DENND1B: variants seen among roughly 807,000 people sequenced by gnomAD.
The protein encoded by DENND1B is DENN domain-containing protein 1B.
DENND1B carries 59 observed loss-of-function variants against 90.1 expected under a neutral mutation model. The observed-to-expected ratio is 0.65, with a 90% CI of 0.53 to 0.81. The LOEUF (loss-of-function observed/expected upper bound fraction) is 0.81, where lower values mean the gene tolerates loss of function less well. Among genes scored for constraint, DENND1B ranks in the 40% least tolerant of loss-of-function variants. DENND1B has a pLI of 0.00. For missense variants in DENND1B, 862 were observed against 912.6 expected, an observed-to-expected ratio of 0.94 and a Z score of 0.71; for synonymous variants, 337 against 324.6, an observed-to-expected ratio of 1.04 and a Z score of -0.41.
chr1:197,736,995 T>C lies in DENND1B; in HGVS notation c.83-21921A>G, dbSNP rs185928666. On this transcript the variant is annotated intron_variant, in intron 2 of 22. Transcript: ENST00000620048. ...AAGACATCAAAACTATTGCTATGTC[T>C]CTTGAAAATCACTGAAGACTGACTA... Among the ~76,000 whole-genome samples the C allele has an allele frequency of 1.2e-4, 19 of 152,304 alleles. No individual in the cohort carries two copies. The East Asian group carries it at 3.3e-3, about 26-fold the overall frequency.
At chr1:197,610,655 G>C (rs940291428) in intron 12 of DENND1B, among the ~76,000 whole-genome samples, 8 of 150,660 alleles carry the variant, frequency 5.3e-5, no homozygotes, top group African/African-American at 1.9e-4. Context: ...TCAAATTACT[G>C]ATACATTAAA....
At chr1:197,536,138 T>TGGAG (rs1558211727) in intron 20 of DENND1B, among the ~76,000 whole-genome samples, 1 of 88,878 alleles carries the variant, frequency 1.1e-5, no homozygotes, top group Non-Finnish European at 2.7e-5. Flanking sequence ...GAGAGAGAGA[T>TGGAG]TGAGAGAGAG....
chr1:197,595,143 T>C, intron 14 of DENND1B, 65 bp downstream of exon 14: 1 of 1,527,258 alleles, frequency 6.5e-7, no homozygotes, highest in Non-Finnish European at 8.8e-7. Context: ...TGTCTCTTTT[T>C]TTCTGTCTCA....
At chr1:197,641,964 CTAAA>C (rs1373668591) in intron 10 of DENND1B, among the ~76,000 whole-genome samples, 15 of 151,798 alleles carry the variant, frequency 9.9e-5, no homozygotes, top group South Asian at 4.2e-4. Flanking sequence ...ATAGTTTTTG[CTAAA>C]TAAATACATC....
chr1:197,511,590 TATC>T, intron 22 of DENND1B, 135 bp downstream of exon 22: 1 of 469,634 alleles, frequency 2.1e-6, no homozygotes. Flanking sequence ...GATTAAATTT[TATC>T]ATATTTTTGA....
chr1:197,521,037 C>G (rs951377708), intron 20 of DENND1B, among the ~76,000 whole-genome samples: 9 of 151,244 alleles, frequency 6.0e-5, no homozygotes, highest in African/African-American at 1.5e-4. Context: ...CAGGTGGACA[C>G]TAAGTGAAAA....
intron 3 of DENND1B, among the ~76,000 whole-genome samples, chr1:197,682,649 G>T (rs1320692685): frequency 6.6e-6 from 1 of 152,092 alleles, no homozygotes; most frequent in African/African-American, 2.4e-5. Context: ...CCCAAAGGAA[G>T]AAATCCTATG....
rs1667703389 is a variant in DENND1B at position 197,505,809 on chromosome 1, T to G, written c.*4651A>C. 6.6e-6 allele frequency: 1 copy of G among 151,674 alleles called. No homozygotes were observed. The highest frequency in any genetic ancestry group is 6.6e-5 in the Admixed American group (1 of 15,190). The allele number at this position is 151,674 out of a possible 1,614,324, so 9.4% of individuals were successfully genotyped here. ...ATACTACAATCCACATATGTAATCA[T>G]CAGCATACAAATGCCATTTTGATTT... On this transcript the variant is annotated 3_prime_UTR_variant, in exon 23 of 23. Coordinates refer to ENST00000620048, the MANE Select transcript of DENND1B (RefSeq NM_001195215.2).
intron 2 of DENND1B, among the ~76,000 whole-genome samples, chr1:197,723,602 G>A (rs1661380175): frequency 6.6e-6 from 1 of 151,996 alleles, no homozygotes; most frequent in South Asian, 2.1e-4. Flanking sequence ...TAAGAACACA[G>A]GGAAAAAAAG....
intron 12 of DENND1B, 48 bp downstream of exon 12, chr1:197,611,883 A>G (rs745437930): frequency 3.3e-6 from 5 of 1,535,750 alleles, no homozygotes; most frequent in Non-Finnish European, 4.5e-6. Flanking sequence ...TTTAACTATT[A>G]TTTTATGAGT....
At chr1:197,707,356 A>T (rs1170789533) in intron 3 of DENND1B, among the ~76,000 whole-genome samples, 1 of 151,978 alleles carries the variant, frequency 6.6e-6, no homozygotes, top group Non-Finnish European at 1.5e-5. Flanking sequence ...GTTCTATAAC[A>T]CTGTAGGGTG....
At chr1:197,602,979 TATG>T (rs1397012783) in intron 13 of DENND1B, among the ~76,000 whole-genome samples, 4 of 151,362 alleles carry the variant, frequency 2.6e-5, no homozygotes, top group Non-Finnish European at 5.9e-5. Context: ...CCATAATATG[TATG>T]ATATTTTAGA....
Position 197,510,830 on chromosome 1 carries a change from G to A in DENND1B, c.1958C>T (p.Ser653Phe), listed in dbSNP as rs373405187. 1 of 1,612,124 alleles carries A rather than the reference G, an allele frequency of 6.2e-7. No homozygotes were observed. ...LPPSPRKRVS[S>F]SGLTDSLFIL... ...AAACAGAGAATCTGTCAAACCACTA[G>A]AGGAAACCCGCTTCCTAGGAGATGG... The change falls in exon 23 of 23, where the codon TCT (serine) becomes TTT (phenylalanine). Residue 653 changes from serine (S) to phenylalanine (F), a missense_variant. By Grantham distance (155) the Ser-to-Phe change is radical. Coordinates refer to ENST00000620048, the MANE Select transcript of DENND1B (RefSeq NM_001195215.2).
intron 20 of DENND1B, among the ~76,000 whole-genome samples, chr1:197,516,588 T>G (rs1668413154): frequency 6.6e-6 from 1 of 151,694 alleles, no homozygotes; most frequent in Non-Finnish European, 1.5e-5. Flanking sequence ...AAAGGACAGT[T>G]TTCCCCATGT....
At chr1:197,564,781 G>A (rs1672484240) in intron 15 of DENND1B, among the ~76,000 whole-genome samples, 2 of 151,890 alleles carry the variant, frequency 1.3e-5, no homozygotes, top group South Asian at 4.1e-4. Context: ...TTGAAGGTGA[G>A]ACTCAAGAAT....
chr1:197,529,221 T>C, intron 20 of DENND1B, among the ~76,000 whole-genome samples: 1 of 18,614 alleles, frequency 5.4e-5, no homozygotes, highest in Admixed American at 9.8e-4. Context: ...TATATATATA[T>C]ATATATATAT....
chr1:197,606,912 G>A (rs1676731803), intron 13 of DENND1B, 161 bp downstream of exon 13: 1 of 588,096 alleles, frequency 1.7e-6, no homozygotes, highest in South Asian at 2.2e-5. Context: ...ACTGCTAAAA[G>A]GTAAAAATAT....
rs1284790757 is a variant in DENND1B at position 197,505,371 on chromosome 1, A to G, written c.*5089T>C. On this transcript the variant is annotated 3_prime_UTR_variant, in exon 23 of 23. Coordinates refer to ENST00000620048, the MANE Select transcript of DENND1B (RefSeq NM_001195215.2). ...GTAGATTTGATAATGGACCTCAACA[A>G]GGCTCACATTTGAGAAATGAAATAA... The G allele has an allele frequency of 6.6e-6, 1 of 151,024 alleles. No individual in the cohort carries two copies. Among genetic ancestry groups the G allele is most frequent in the Non-Finnish European group, 1.5e-5 (1 of 67,516 alleles). 9.4% of individuals were successfully genotyped at this position (151,024 alleles called of 1,614,324 possible).
At chr1:197,642,873 G>C (rs1467196506) in intron 9 of DENND1B, 52 bp from the exon 10 acceptor site, 15 of 1,300,012 alleles carry the variant, frequency 1.2e-5, no homozygotes, top group Non-Finnish European at 1.6e-5. Context: ...TGAATGTGAA[G>C]AAAAACATTT....
Sources: allele counts gnomAD v4.1 joint callset (sites outside exome capture counted in the v4.1 genomes callset), GRCh38; gene constraint gnomAD v4.1.1; transcripts MANE v1.5; gene names NCBI Gene and HGNC (gene_info 2026-07-23, HGNC 2026-07-21).